TPR: variants seen among roughly 807,000 people sequenced by gnomAD.
The protein encoded by TPR is nucleoprotein TPR.
In TPR, 51 loss-of-function variants were observed where a neutral mutation model predicts 316.1. The observed-to-expected ratio is 0.16, with a 90% confidence interval of 0.13 to 0.20. The LOEUF (loss-of-function observed/expected upper bound fraction) is 0.20. Ranked by LOEUF, TPR falls within the 10% of genes least tolerant of loss-of-function variation. The probability of loss-of-function intolerance (pLI) is 1.00; values close to 1 mark genes in which losing one functional copy is unlikely to be tolerated. For missense variants in TPR, 2,272 were observed against 2,754.8 expected, an observed-to-expected ratio of 0.82 and a Z score of 3.92; for synonymous variants, 981 against 914.7, an observed-to-expected ratio of 1.07 and a Z score of -1.31.
At chr1:186,371,347 TATATC>T (rs778020139) in intron 2 of TPR, among the ~76,000 whole-genome samples, 54 of 152,256 alleles carry the variant, frequency 3.5e-4, no homozygotes, top group Non-Finnish European at 6.3e-4. Flanking sequence ...TAAGTCAACA[TATATC>T]ATAAGAAACA....
intron 39 of TPR, among the ~76,000 whole-genome samples, chr1:186,328,006 A>T (rs989722981): frequency 3.0e-4 from 45 of 152,204 alleles, no homozygotes; most frequent in African/African-American, 1.1e-3. Flanking sequence ...GCTGGTCTCG[A>T]ACTCCTGACT....
At chr1:186,373,334 T>C in intron 2 of TPR, 25 bp downstream of exon 2, 1 of 1,561,294 alleles carries the variant, frequency 6.4e-7, no homozygotes, top group South Asian at 1.1e-5. Context: ...CCGAGAATAC[T>C]TACAAAGATG....
At chr1:186,343,290 T>G in intron 27 of TPR, 36 bp downstream of exon 27, 1 of 1,587,404 alleles carries the variant, frequency 6.3e-7, no homozygotes, top group Non-Finnish European at 8.5e-7. Flanking sequence ...TCTCTTTTGA[T>G]TTAACAAGTG....
Position 186,313,952 on chromosome 1 carries a change from G to T in TPR, c.*19C>A. Reference sequence around the variant, plus strand: ...AGATTTGATAATCTTATTCACAGTTGTTATTGTTTACAGACCATTTAATTA... The same window carrying T: ...AGATTTGATAATCTTATTCACAGTTTTTATTGTTTACAGACCATTTAATTA... On this transcript the variant is annotated 3_prime_UTR_variant, in exon 51 of 51. Coordinates refer to ENST00000367478, the MANE Select transcript of TPR (RefSeq NM_003292.3). 1 of 1,609,052 alleles carries T rather than the reference G, an allele frequency of 6.2e-7. No individual in the cohort carries two copies. Among genetic ancestry groups the T allele is most frequent in the Non-Finnish European group, 8.5e-7 (1 of 1,176,710 alleles).
chr1:186,324,661 C>A (rs912874698), intron 42 of TPR, among the ~76,000 whole-genome samples: 1 of 152,142 alleles, frequency 6.6e-6, no homozygotes, highest in East Asian at 1.9e-4. Context: ...GATACCTAAA[C>A]CTTATTAAGT....
chr1:186,367,619 T>C (rs943833119), intron 4 of TPR, among the ~76,000 whole-genome samples: 24 of 152,244 alleles, frequency 1.6e-4, no homozygotes, highest in African/African-American at 5.5e-4. Flanking sequence ...ATGTACAGCA[T>C]TGTAGTGAAA....
Position 186,361,680 on chromosome 1 carries a change from G to A in TPR, c.900C>T (p.Ser300=), listed in dbSNP as rs751014932. The change falls in exon 9 of 51, where the codon AGC becomes AGT. Residue 300 remains serine (S), a synonymous_variant. Coordinates refer to ENST00000367478, the MANE Select transcript of TPR (RefSeq NM_003292.3). ...KSAADDSEAK[S]NELTRAVEEL... is the part of the protein sequence containing the mutation. The stretch of plus-strand genomic sequence containing the variant: ...CCTCTACTGCCCGGGTTAGTTCATT[G>A]CTCTTTGCTTCTGAGTCATCAGCGG... 2.0e-5 allele frequency: 33 copies of A among 1,613,246 alleles called. No homozygotes were observed. In the South Asian group the frequency reaches 3.3e-4, roughly 16 times the overall value.
Position 186,343,345 on chromosome 1 carries a change from G to C in TPR, c.3731C>G (p.Ala1244Gly). 3.1e-6 allele frequency: 5 copies of C among 1,613,200 alleles called. No homozygotes were observed. Among genetic ancestry groups the C allele is most frequent in the Non-Finnish European group, 4.2e-6 (5 of 1,179,720 alleles). ...ELQELQDSLN[A>G]EREKVQVTAK... The stretch of plus-strand genomic sequence containing the variant: ...ACCTACCTGGACTTTCTCCCTTTCA[G>C]CATTTAGACTATCTTGCAGTTCCTG... The change falls in exon 27 of 51, where the codon GCT becomes GGT. Residue 1244 changes from alanine to glycine, a missense_variant. Physicochemically the swap from Ala to Gly is moderately conservative, Grantham distance 60. This residue lies in a region of TPR where 757 missense variants were observed against 859.8 expected (regional missense o/e 0.88). Coordinates refer to ENST00000367478, the MANE Select transcript of TPR (RefSeq NM_003292.3).
intron 39 of TPR, among the ~76,000 whole-genome samples, chr1:186,329,036 C>T (rs1275684595): frequency 6.6e-6 from 1 of 152,064 alleles, no homozygotes; most frequent in African/African-American, 2.4e-5. Flanking sequence ...AAGTGACATG[C>T]TTATTTCAGA....
At position 186,332,274 on chromosome 1, in the gene TPR, G is replaced by A; in HGVS notation, c.5525C>T (p.Ala1842Val). The change falls in exon 38 of 51, where the codon GCA becomes GTA. Residue 1842 changes from alanine (A) to valine (V), a missense_variant. Coordinates refer to ENST00000367478, the MANE Select transcript of TPR (RefSeq NM_003292.3). Reference sequence around the variant, plus strand: ...TGTATCATCAGAGACTTGGTCTGATGCTTCTATGGTGCTATCCTCTTCCTC... The same window carrying A: ...TGTATCATCAGAGACTTGGTCTGATACTTCTATGGTGCTATCCTCTTCCTC... Reference protein sequence around the residue: ...REEEEDSTIEASDQVSDDTVE... With the variant: ...REEEEDSTIEVSDQVSDDTVE... 1 of 1,612,828 alleles carries A rather than the reference G, an allele frequency of 6.2e-7. No individual in the cohort carries two copies. The highest frequency in any genetic ancestry group is 1.3e-5 in the African/African-American group (1 of 74,948).
In TPR at chr1:186,323,726, G is replaced by C; in HGVS notation, c.6257C>G (p.Thr2086Ser). 6.6e-7 allele frequency: 1 copy of C among 1,516,622 alleles called. No individual in the cohort carries two copies. The highest frequency in any genetic ancestry group is 1.7e-4 in the Middle Eastern group (1 of 5,742). 93.9% of individuals were successfully genotyped at this position (1,516,622 alleles called of 1,614,324 possible). The change falls in exon 43 of 51, where the codon ACC (threonine) becomes AGC (serine). Residue 2086 changes from threonine to serine, a missense_variant. Physicochemically the swap from Thr to Ser is moderately conservative, Grantham distance 58. This residue lies in a region of TPR where 435 missense variants were observed against 461.1 expected (regional missense o/e 0.94). Transcript: ENST00000367478. Reference protein sequence around the residue: ...RPPHPLPPRLTIHAPPQELGP... With the variant: ...RPPHPLPPRLSIHAPPQELGP... ...CAACTCCTGAGGTGGGGCATGAATG[G>C]TCAGTCTTGGGGGAAGTGGATGTGG...
intron 29 of TPR, 67 bp from the exon 30 acceptor site, chr1:186,339,839 G>T: frequency 7.4e-7 from 1 of 1,343,374 alleles, no homozygotes; most frequent in Non-Finnish European, 1.0e-6. Context: ...ATAATAAAAT[G>T]GCAGAATATC....
At chr1:186,374,838 T>G (rs1482348396) in intron 1 of TPR, 40 bp downstream of exon 1, 4 of 1,556,724 alleles carry the variant, frequency 2.6e-6, no homozygotes, top group Non-Finnish European at 3.5e-6. Context: ...AGGGCGGGAG[T>G]CGAGCCCAAA....
intron 1 of TPR, among the ~76,000 whole-genome samples, 191 bp from the exon 2 acceptor site, chr1:186,373,654 G>A (rs1433522956): frequency 1.3e-5 from 2 of 152,036 alleles, no homozygotes; most frequent in Non-Finnish European, 2.9e-5. Context: ...ATTTCCAAAC[G>A]ACTTACATGA....
chr1:186,314,599 T>A (rs1253506976), intron 50 of TPR, 30 bp downstream of exon 50: 1 of 1,532,050 alleles, frequency 6.5e-7, no homozygotes, highest in South Asian at 1.2e-5. Context: ...CCACATTCTA[T>A]CATGTAATCC....
In TPR at chr1:186,351,399, C is replaced by T. The variant is rs1658857331; in HGVS notation, c.2541G>A (p.Glu847=). ...CCAACTTCTTCTTTAGATGAGAGAT[C>T]TCATGTTCCAGTTTTTCTATCTGGC... ...LSSQIEKLEH[E]ISHLKKKLEN... Residue 847 remains glutamate (E), a synonymous_variant, in exon 20 of 51, where the codon GAG becomes GAA. Coordinates refer to ENST00000367478, the MANE Select transcript of TPR (RefSeq NM_003292.3). 8 of 1,612,476 alleles carry T rather than the reference C, an allele frequency of 5.0e-6. No homozygotes were observed. Among genetic ancestry groups the T allele is most frequent in the Non-Finnish European group, 6.8e-6 (8 of 1,179,330 alleles).
In TPR at chr1:186,364,361, T is replaced by A. The variant is rs78065938; in HGVS notation, c.428-916A>T. The stretch of plus-strand genomic sequence containing the variant: ...TACCCACCATTTCAAGACAAATGAA[T>A]CCAGTATATGGACCGTTGTTTAAAA... On this transcript the variant is annotated intron_variant, in intron 4 of 50. Coordinates refer to ENST00000367478, the MANE Select transcript of TPR (RefSeq NM_003292.3). 3.5e-4 allele frequency among the ~76,000 whole-genome samples: 53 copies of A among 150,688 alleles called. No homozygotes were observed. The East Asian group carries it at 8.8e-3, about 25-fold the overall frequency.
intron 30 of TPR, among the ~76,000 whole-genome samples, 155 bp downstream of exon 30, chr1:186,339,487 T>A (rs1437837209): frequency 2.0e-5 from 3 of 152,198 alleles, no homozygotes; most frequent in Non-Finnish European, 4.4e-5. Context: ...ATTAAATCAC[T>A]GCTTGACTCT....
chr1:186,360,739 C>G (rs1659160943), intron 10 of TPR, 26 bp downstream of exon 10: 1 of 1,611,148 alleles, frequency 6.2e-7, no homozygotes, highest in East Asian at 2.2e-5. Flanking sequence ...TATTTCAACT[C>G]ACTAACAAGC....
Sources: gnomAD v4.1 joint callset for allele counts (sites outside exome capture counted in the v4.1 genomes callset) on GRCh38, gnomAD v4.1.1 for gene constraint, gnomAD v4.1.1 regional missense constraint, MANE v1.5 for transcripts, NCBI Gene and HGNC (gene_info 2026-07-23, HGNC 2026-07-21) for gene names.